The following RIMS1 variants were observed in gnomAD, a reference collection of about 807,000 sequenced individuals.
RIMS1 encodes regulating synaptic membrane exocytosis 1.
A neutral mutation model predicts 214.1 loss-of-function variants in RIMS1; 83 were observed. That is an observed-to-expected ratio of 0.39 (90% CI 0.32 to 0.47). RIMS1 has a LOEUF of 0.47. Among genes scored for constraint, RIMS1 ranks in the 20% least tolerant of loss-of-function variants. RIMS1 has a pLI of 0.99. For synonymous variants in RIMS1, 793 were observed against 786.8 expected (o/e 1.01, Z -0.13); for missense variants, 2,050 against 2,161.8 (o/e 0.95, Z 1.03).
chr6:72,025,546 T>C (rs899192022), intron 2 of RIMS1, among the ~76,000 whole-genome samples: 3 of 151,944 alleles, frequency 2.0e-5, no homozygotes, highest in Non-Finnish European at 4.4e-5. Context: ...TATAATGGAA[T>C]GTGTGTCCAT....
Position 72,362,443 on chromosome 6 carries a change from T to C in RIMS1, c.4367-28155T>C, listed in dbSNP as rs534865649. 1.6e-3 allele frequency among the ~76,000 whole-genome samples: 240 copies of C among 152,288 alleles called. 1 individual carries two copies. Among genetic ancestry groups the C allele is most frequent in the African/African-American group, 5.2e-3 (216 of 41,552 alleles). ...TTTAGGTTTTACAGGGTCGGAATTTTGTGGAAAGCCCTCTTGAAGAAAATG... is the reference window on the plus strand; with the variant it reads ...TTTAGGTTTTACAGGGTCGGAATTTCGTGGAAAGCCCTCTTGAAGAAAATG... On this transcript the variant is annotated intron_variant, in intron 29 of 33. Transcript: ENST00000521978.
At chr6:72,266,101 TTCAG>T (rs1320246957) in intron 22 of RIMS1, 52 bp downstream of exon 22, 1 of 1,292,092 alleles carries the variant, frequency 7.7e-7, no homozygotes, top group South Asian at 1.3e-5. Context: ...AGTGATTTTT[TTCAG>T]TCACTTTGTT....
chr6:72,249,599 C>T (rs541465653), intron 12 of RIMS1, among the ~76,000 whole-genome samples: 2 of 152,050 alleles, frequency 1.3e-5, no homozygotes, highest in East Asian at 1.9e-4. Context: ...GCAAGACCCC[C>T]GATTCCACAA....
At chr6:72,109,115 G>A (rs1044142579) in intron 4 of RIMS1, among the ~76,000 whole-genome samples, 4 of 152,006 alleles carry the variant, frequency 2.6e-5, no homozygotes, top group Admixed American at 1.3e-4. Context: ...GGACATTTGG[G>A]TTGGTTCCAA....
intron 4 of RIMS1, among the ~76,000 whole-genome samples, chr6:72,107,329 G>A (rs564194887): frequency 7.9e-5 from 12 of 152,336 alleles, no homozygotes; most frequent in South Asian, 4.1e-4. Context: ...GGGAGGCTGC[G>A]GGGAGTGGAT....
rs1172752586 is a variant in RIMS1 at position 72,345,424 on chromosome 6, AT to A, written c.4366+11590del. 2.0e-5 allele frequency among the ~76,000 whole-genome samples: 3 copies of A among 149,988 alleles called. No homozygotes were observed. In the East Asian group the frequency reaches 5.8e-4, roughly 29 times the overall value. ...GCCAACCAGTGTTTTAATTTTTTAC[AT>A]GTGTTAATTCCTTCAATTCACAAAA... is the stretch of plus-strand genomic sequence containing the variant. On this transcript the variant is annotated intron_variant, in intron 29 of 33. Coordinates refer to ENST00000521978, the MANE Select transcript of RIMS1 (RefSeq NM_014989.7).
chr6:72,232,327 G>A (rs2062302041), intron 6 of RIMS1, among the ~76,000 whole-genome samples: 2 of 151,476 alleles, frequency 1.3e-5, no homozygotes, highest in South Asian at 4.1e-4. Flanking sequence ...TATTAATATA[G>A]TTTTTCTTTC....
At chr6:72,141,256 A>G (rs1380619034) in intron 4 of RIMS1, among the ~76,000 whole-genome samples, 3 of 152,028 alleles carry the variant, frequency 2.0e-5, no homozygotes, top group Non-Finnish European at 2.9e-5. Flanking sequence ...GAGGGATAAT[A>G]AAAGCATCAG....
chr6:72,162,865 C>T (rs2045659636), intron 4 of RIMS1, among the ~76,000 whole-genome samples: 1 of 139,076 alleles, frequency 7.2e-6, no homozygotes, highest in African/African-American at 2.5e-5. Flanking sequence ...AATTATGTGT[C>T]TTGGAGTTGC....
At position 72,225,615 on chromosome 6, in the gene RIMS1, A is replaced by G. The variant is rs575379667; in HGVS notation, c.1679-8158A>G. 3.9e-5 allele frequency among the ~76,000 whole-genome samples: 6 copies of G among 152,326 alleles called. No homozygotes were observed. In the South Asian group the frequency reaches 1.0e-3, roughly 26 times the overall value. ...ATGGTTAACATCCAGTCCCCAAACA[A>G]TGAAAACAAATAAACCCCAATTTTT... On this transcript the variant is annotated intron_variant, in intron 6 of 33. Coordinates refer to ENST00000521978, the MANE Select transcript of RIMS1 (RefSeq NM_014989.7).
At chr6:72,088,593 A>G (rs1204078955) in intron 2 of RIMS1, among the ~76,000 whole-genome samples, 1 of 152,120 alleles carries the variant, frequency 6.6e-6, no homozygotes, top group Admixed American at 6.6e-5. Flanking sequence ...CTTCAGTTTT[A>G]GAGGAATTCA....
chr6:72,173,319 TTC>T (rs1013016666), intron 4 of RIMS1, among the ~76,000 whole-genome samples: 2 of 152,096 alleles, frequency 1.3e-5, no homozygotes, highest in African/African-American at 2.4e-5. Flanking sequence ...TCTTGGTGGT[TTC>T]TTTTTCCATT....
intron 24 of RIMS1, among the ~76,000 whole-genome samples, chr6:72,286,579 A>G (rs1162824524): frequency 2.0e-5 from 3 of 152,226 alleles, no homozygotes; most frequent in Non-Finnish European, 4.4e-5. Flanking sequence ...TTTTTATTAG[A>G]GTGTAAACTA....
intron 2 of RIMS1, among the ~76,000 whole-genome samples, chr6:71,997,552 A>C (rs1475382035): frequency 1.3e-5 from 2 of 152,218 alleles, no homozygotes; most frequent in Non-Finnish European, 1.5e-5. Context: ...TTTAAATAGC[A>C]CTTTGGGGAA....
intron 3 of RIMS1, among the ~76,000 whole-genome samples, chr6:72,098,185 C>T (rs888878044): frequency 9.2e-5 from 14 of 152,218 alleles, no homozygotes; most frequent in Admixed American, 7.2e-4. Context: ...TTAAAACAAA[C>T]CTCCCAATCA....
chr6:72,059,462 C>T (rs1725891001), intron 2 of RIMS1, among the ~76,000 whole-genome samples: 1 of 152,118 alleles, frequency 6.6e-6, no homozygotes, highest in Admixed American at 6.5e-5. Flanking sequence ...CTCCTGGGCT[C>T]AAGCCATCCA....
chr6:72,006,723 A>T (rs549336831), intron 2 of RIMS1, among the ~76,000 whole-genome samples: 3 of 152,248 alleles, frequency 2.0e-5, no homozygotes, highest in South Asian at 2.1e-4. Context: ...AGCCTTGCTC[A>T]TTGCTAGCAC....
At chr6:71,897,573 T>A in intron 1 of RIMS1, among the ~76,000 whole-genome samples, 1 of 152,212 alleles carries the variant, frequency 6.6e-6, no homozygotes, top group Non-Finnish European at 1.5e-5. Flanking sequence ...TTACCTAGCC[T>A]TTTGAATTAG....
intron 2 of RIMS1, among the ~76,000 whole-genome samples, chr6:72,057,576 C>T (rs1040447844): frequency 6.7e-6 from 1 of 148,522 alleles, no homozygotes; most frequent in Non-Finnish European, 1.5e-5. Flanking sequence ...GGCGCCATCT[C>T]GGCTCACTGC....
Sources: gnomAD v4.1 joint callset for allele counts (sites outside exome capture counted in the v4.1 genomes callset) on GRCh38, gnomAD v4.1.1 for gene constraint, MANE v1.5 for transcripts, NCBI Gene and HGNC (gene_info 2026-07-23, HGNC 2026-07-21) for gene names.